The following ANKHD1 variants were observed in gnomAD, a reference collection of about 807,000 sequenced individuals.
ANKHD1 encodes the protein ankyrin repeat and KH domain containing 1, also known as ankyrin repeat and KH domain-containing protein 1.
Under a neutral mutation model 230.5 loss-of-function variants are expected in ANKHD1, and 31 were observed. The ratio of observed to expected loss-of-function variants is 0.13; its 90% confidence interval spans 0.10 to 0.18. ANKHD1 has a LOEUF of 0.18. Among genes scored for constraint, ANKHD1 ranks in the 10% least tolerant of loss-of-function variants. ANKHD1 has a pLI of 1.00. For missense variants in ANKHD1, 2,256 were observed against 3,071.3 expected (o/e 0.73, Z 6.27); for synonymous variants, 1,074 against 1,117.6 (o/e 0.96, Z 0.78).
At chr5:140,472,329 C>A (rs755218555) in intron 10 of ANKHD1, 1 of 1,610,992 alleles carries the variant, frequency 6.2e-7, no homozygotes, top group Non-Finnish European at 8.5e-7. Flanking sequence ...TAAGCTACTA[C>A]GTAAAGAATA....
At position 140,464,736 on chromosome 5, in the gene ANKHD1, C is replaced by G. The variant is rs1286672866; in HGVS notation, c.1742C>G (p.Thr581Arg). 6.2e-7 allele frequency: 1 copy of G among 1,608,204 alleles called. No homozygotes were observed. Among genetic ancestry groups the G allele is most frequent in the South Asian group, 1.1e-5 (1 of 90,440 alleles). Residue 581 changes from threonine (T) to arginine (R), a missense_variant, in exon 10 of 34, where the codon ACG (threonine) becomes AGG (arginine). This residue lies in a region of ANKHD1 where 179 missense variants were observed against 261.8 expected (regional missense o/e 0.68). Transcript: ENST00000360839. ...ALTYACENGH[T>R]DVADVLLQAG... ...ACCTATGCTTGTGAAAATGGACATA[C>G]GGATGTTGCAGATGTTTTACTTCAA... is the stretch of plus-strand genomic sequence containing the variant.
intron 10 of ANKHD1, among the ~76,000 whole-genome samples, chr5:140,474,719 C>G (rs1267310828): frequency 6.6e-6 from 1 of 151,072 alleles, no homozygotes; most frequent in East Asian, 1.9e-4. Flanking sequence ...TCCTCAGCCT[C>G]CTGAGTAGCT....
chr5:140,408,770 G>T (rs1770685260), intron 1 of ANKHD1, among the ~76,000 whole-genome samples: 1 of 152,152 alleles, frequency 6.6e-6, no homozygotes, highest in Non-Finnish European at 1.5e-5. Flanking sequence ...TGGCTACACA[G>T]TGCGGTGGCA....
intron 7 of ANKHD1, among the ~76,000 whole-genome samples, chr5:140,455,819 G>T (rs982826635): frequency 6.6e-6 from 1 of 152,064 alleles, no homozygotes; most frequent in African/African-American, 2.4e-5. Context: ...CAGGCATGCC[G>T]TCTCTCACCA....
At position 140,539,402 on chromosome 5, in the gene ANKHD1, T is replaced by A; in HGVS notation, c.7613T>A (p.Leu2538His). The change falls in exon 34 of 34, where the codon CTC (leucine) becomes CAC (histidine). Residue 2538 changes from leucine (L) to histidine (H), a missense_variant. This residue lies in a region of ANKHD1 where 778 missense variants were observed against 966.5 expected (regional missense o/e 0.80). Coordinates refer to ENST00000360839, the MANE Select transcript of ANKHD1 (RefSeq NM_017747.3). Reference sequence around the variant, plus strand: ...GCACCTCATATTGGAAACATGCATCTCAAATATGTCAACTAAGTTAGAAGG... The same window carrying A: ...GCACCTCATATTGGAAACATGCATCACAAATATGTCAACTAAGTTAGAAGG... ...TWAPHIGNMH[L>H]KYVN 4 of 1,613,936 alleles carry A rather than the reference T, an allele frequency of 2.5e-6. No individual in the cohort carries two copies. The highest frequency in any genetic ancestry group is 3.4e-6 in the Non-Finnish European group (4 of 1,179,880).
At chr5:140,466,711 C>G (rs140812461) in intron 10 of ANKHD1, among the ~76,000 whole-genome samples, 4 of 152,052 alleles carry the variant, frequency 2.6e-5, no homozygotes, top group African/African-American at 7.2e-5. Context: ...TTTGGGAGAC[C>G]GAGGCGGACG....
intron 10 of ANKHD1, among the ~76,000 whole-genome samples, chr5:140,476,426 G>A (rs1391067944): frequency 6.6e-6 from 1 of 151,890 alleles, no homozygotes; most frequent in African/African-American, 2.4e-5. Flanking sequence ...GAACTTTAAG[G>A]ATAATGAAAA....
intron 15 of ANKHD1, among the ~76,000 whole-genome samples, chr5:140,497,728 TA>T (rs1752093854): frequency 6.6e-6 from 1 of 152,238 alleles, no homozygotes; most frequent in Non-Finnish European, 1.5e-5. Context: ...TATTTCCAAT[TA>T]AATGGGATGT....
intron 14 of ANKHD1, among the ~76,000 whole-genome samples, chr5:140,495,249 CTTTTTT>C (rs70988766): frequency 8.1e-6 from 1 of 123,740 alleles, no homozygotes. Context: ...AATAGTCCTA[CTTTTTT>C]TTTTTTTTTT....
intron 29 of ANKHD1, among the ~76,000 whole-genome samples, chr5:140,533,442 T>TA (rs1422206966): frequency 6.6e-5 from 10 of 151,642 alleles, no homozygotes; most frequent in African/African-American, 2.2e-4. Flanking sequence ...ACTAAAAATA[T>TA]AAAAAAATTA....
In ANKHD1 at chr5:140,529,093, C is replaced by T. The variant is rs891303738; in HGVS notation, c.6147C>T (p.Asn2049=). Residue 2049 remains asparagine (N), a synonymous_variant, in exon 29 of 34, where the codon AAC becomes AAT. Coordinates refer to ENST00000360839, the MANE Select transcript of ANKHD1 (RefSeq NM_017747.3). ...TATGTACCCCATCTTCAACTGCAAA[C>T]AGTTGCAGTAGCTCTGCCAGCAACA... is the stretch of plus-strand genomic sequence containing the variant. The part of the protein sequence containing the change: ...ANLCTPSSTA[N]SCSSSASNTP... 3.7e-6 allele frequency: 6 copies of T among 1,613,956 alleles called. No homozygotes were observed. The African/African-American group carries it at 5.3e-5, about 14-fold the overall frequency.
rs1224142459 is a variant in ANKHD1 at position 140,505,103 on chromosome 5, T to A, written c.3151-19T>A. ...ACTTCTGTTAAAAAAAATTTTAACT[T>A]ATTTTTTTCTTCTCCTAGACTGAGA... On this transcript the variant is annotated intron_variant, in intron 16 of 33. Coordinates refer to ENST00000360839, the MANE Select transcript of ANKHD1 (RefSeq NM_017747.3). The A allele has an allele frequency of 6.2e-7, 1 of 1,604,764 alleles. No homozygotes were observed. Among genetic ancestry groups the A allele is most frequent in the Non-Finnish European group, 8.5e-7 (1 of 1,177,628 alleles).
chr5:140,467,551 A>G (rs543591073), intron 10 of ANKHD1, among the ~76,000 whole-genome samples: 1 of 152,324 alleles, frequency 6.6e-6, no homozygotes, highest in African/African-American at 2.4e-5. Context: ...GTGAACAGCC[A>G]TTGTATGCTA....
At chr5:140,461,452 A>G (rs960651967) in intron 9 of ANKHD1, among the ~76,000 whole-genome samples, 4 of 152,200 alleles carry the variant, frequency 2.6e-5, no homozygotes, top group Non-Finnish European at 5.9e-5. Context: ...TGCTTCTTAC[A>G]GTGTGGCACT....
chr5:140,425,993 G>GT (rs1286048773), intron 1 of ANKHD1, among the ~76,000 whole-genome samples: 2 of 152,152 alleles, frequency 1.3e-5, no homozygotes, highest in African/African-American at 2.4e-5. Context: ...CTCACGTTGG[G>GT]TAGGGGAAGG....
chr5:140,439,732 A>C (rs960889360), intron 3 of ANKHD1, among the ~76,000 whole-genome samples: 3 of 152,164 alleles, frequency 2.0e-5, no homozygotes, highest in Non-Finnish European at 2.9e-5. Flanking sequence ...GAAAAAAAAA[A>C]ATTGCAAAAA....
intron 1 of ANKHD1, among the ~76,000 whole-genome samples, chr5:140,417,100 GGGATGTTT>G (rs1481423011): frequency 6.6e-6 from 1 of 151,880 alleles, no homozygotes; most frequent in Non-Finnish European, 1.5e-5. Flanking sequence ...AAAATAACAT[GGGATGTTT>G]ACTTTGAGTA....
chr5:140,458,927 G>A lies in ANKHD1; in HGVS notation c.1480+65G>A, dbSNP rs541045034. The A allele has an allele frequency of 6.4e-6, 6 of 931,140 alleles. No individual in the cohort carries two copies. In the East Asian group the frequency reaches 1.5e-4, roughly 24 times the overall value. 57.7% of individuals were successfully genotyped at this position (931,140 alleles called of 1,614,324 possible). Reference sequence around the variant, plus strand: ...TTGGATGTTTTGTGTTAGTACTGGTGAAGTTTACTACAGCTAGCATATATA... The same window carrying A: ...TTGGATGTTTTGTGTTAGTACTGGTAAAGTTTACTACAGCTAGCATATATA... On this transcript the variant is annotated intron_variant, in intron 8 of 33. Coordinates refer to ENST00000360839, the MANE Select transcript of ANKHD1 (RefSeq NM_017747.3).
chr5:140,520,265 A>C (rs1753264715), intron 24 of ANKHD1, among the ~76,000 whole-genome samples: 1 of 152,062 alleles, frequency 6.6e-6, no homozygotes, highest in South Asian at 2.1e-4. Flanking sequence ...CGATCATTAA[A>C]AAGTCAGGAA....
Sources: gnomAD v4.1 joint callset for allele counts (sites outside exome capture counted in the v4.1 genomes callset) on GRCh38, gnomAD v4.1.1 for gene constraint, gnomAD v4.1.1 regional missense constraint, MANE v1.5 for transcripts, NCBI Gene and HGNC (gene_info 2026-07-23, HGNC 2026-07-21) for gene names.